The following CD164 variants were observed in gnomAD, a reference collection of about 807,000 sequenced individuals.
CD164 encodes the protein sialomucin core protein 24.
In CD164, 11 loss-of-function variants were observed where a neutral mutation model predicts 24.6. The observed-to-expected ratio is 0.45, with a 90% CI of 0.28 to 0.74. The LOEUF is 0.74. Ranked by LOEUF, CD164 falls within the 30% of genes least tolerant of loss-of-function variation. The probability of loss-of-function intolerance (pLI) is 0.13; values close to 1 mark genes in which losing one functional copy is unlikely to be tolerated. For missense variants in CD164, 295 were observed against 243.7 expected (o/e 1.21, Z -1.40); for synonymous variants, 126 against 100.3 (o/e 1.26, Z -1.53).
At chr6:109,381,682 T>C (rs1208015553) in intron 1 of CD164, 2 of 674,160 alleles carry the variant, frequency 3.0e-6, no homozygotes, top group Non-Finnish European at 5.4e-6. Context: ...CTTCTCAGAC[T>C]CAAGTCTGAG....
Position 109,377,870 on chromosome 6 carries a change from A to G in CD164, c.331+30T>C. 5 of 1,564,438 alleles carry G rather than the reference A, an allele frequency of 3.2e-6. No homozygotes were observed. In the South Asian group the frequency reaches 3.3e-5, roughly 10 times the overall value. ...TGATCTTCCTCACCTCTCTGCGGTC[A>G]GCTTCCAAGCAGCCAATATGAATAC... On this transcript the variant is annotated intron_variant, in intron 3 of 5. Transcript: ENST00000310786.
chr6:109,376,685 T>C (rs1434135670), intron 3 of CD164, among the ~76,000 whole-genome samples: 2 of 152,238 alleles, frequency 1.3e-5, no homozygotes, highest in African/African-American at 4.8e-5. Context: ...TGGTACATCA[T>C]CAAATATGCA....
chr6:109,372,537 A>T (rs1771138759), intron 4 of CD164: 2 of 152,092 alleles, frequency 1.3e-5, no homozygotes, highest in African/African-American at 4.8e-5. Context: ...TTTCCCTCTT[A>T]CTTCAAGCAT....
chr6:109,378,155 AC>A (rs1056751209), intron 2 of CD164, among the ~76,000 whole-genome samples, 184 bp from the exon 3 acceptor site: 18 of 152,150 alleles, frequency 1.2e-4, no homozygotes, highest in African/African-American at 4.1e-4. Context: ...TCCTTTTCCC[AC>A]TGACTTAGAG....
chr6:109,380,821 T>C (rs1456965123), intron 1 of CD164, among the ~76,000 whole-genome samples: 1 of 152,230 alleles, frequency 6.6e-6, no homozygotes, highest in Non-Finnish European at 1.5e-5. Flanking sequence ...ACTACAATTC[T>C]GAAAGGAAAC....
chr6:109,371,993 T>A (rs1771101323), intron 4 of CD164: 1 of 152,186 alleles, frequency 6.6e-6, no homozygotes. Context: ...AAAAAAGGGT[T>A]TGAAGGCTAA....
Position 109,368,939 on chromosome 6 carries a change from C to T in CD164, c.506G>A (p.Gly169Glu). 1 of 1,613,870 alleles carries T rather than the reference C, an allele frequency of 6.2e-7. No individual in the cohort carries two copies. The highest frequency in any genetic ancestry group is 8.5e-7 in the Non-Finnish European group (1 of 1,179,888). Residue 169 changes from glycine (G) to glutamate (E), a missense_variant, in exon 6 of 6, where the codon GGA (glycine) becomes GAA (glutamate). Transcript: ENST00000310786. ...CTGCACACCCAAGACCAGGACAATTCCTCCAATGAAACTGGCTGCATCAAA... is the reference window on the plus strand; with the variant it reads ...CTGCACACCCAAGACCAGGACAATTTCTCCAATGAAACTGGCTGCATCAAA... ...STFDAASFIG[G>E]IVLVLGVQAV...
Position 109,381,769 on chromosome 6 carries a change from G to A in CD164, c.175+435C>T, listed in dbSNP as rs1203103542. 12 of 574,386 alleles carry A rather than the reference G, an allele frequency of 2.1e-5. No individual in the cohort carries two copies. In the Admixed American group the frequency reaches 2.2e-4, roughly 11 times the overall value. The allele number at this position is 574,386 out of a possible 1,614,324, so 35.6% of individuals were successfully genotyped here. ...AAGGCTACCTCCGGAGAGAGGCGCC[G>A]GGAGGGTGAACAACCAGTGGCAGGG... On this transcript the variant is annotated intron_variant, in intron 1 of 5. Coordinates refer to ENST00000310786, the MANE Select transcript of CD164 (RefSeq NM_006016.6).
Position 109,369,084 on chromosome 6 carries a change from C to A in CD164, c.428-67G>T, listed in dbSNP as rs1372016049. 3.0e-6 allele frequency: 4 copies of A among 1,351,994 alleles called. No homozygotes were observed. The East Asian group carries it at 9.5e-5, about 32-fold the overall frequency. The allele number at this position is 1,351,994 out of a possible 1,614,324, so 83.7% of individuals were successfully genotyped here. On this transcript the variant is annotated intron_variant, in intron 5 of 5. Transcript: ENST00000310786. ...GGTCCTCTATTGTAATTTAAAGATGCACCTGAGCCTCTATTTTGCCATGTG... is the reference window on the plus strand; with the variant it reads ...GGTCCTCTATTGTAATTTAAAGATGAACCTGAGCCTCTATTTTGCCATGTG...
intron 2 of CD164, 40 bp downstream of exon 2, chr6:109,379,539 T>C: frequency 7.4e-7 from 1 of 1,357,422 alleles, no homozygotes; most frequent in Non-Finnish European, 1.0e-6. Flanking sequence ...TATTTTAAAA[T>C]GCTATAACAA....
intron 1 of CD164, among the ~76,000 whole-genome samples, chr6:109,380,897 C>CG (rs1771698872): frequency 1.3e-5 from 2 of 152,248 alleles, no homozygotes; most frequent in Admixed American, 6.5e-5. Flanking sequence ...GTTAGAATTC[C>CG]CAGTATTATA....
rs764310816 is a variant in CD164 at position 109,382,275 on chromosome 6, G to T, written c.104C>A (p.Thr35Asn). The T allele has an allele frequency of 6.3e-7, 1 of 1,590,164 alleles. No homozygotes were observed. The highest frequency in any genetic ancestry group is 1.3e-5 in the African/African-American group (1 of 74,652). Residue 35 changes from threonine to asparagine, a missense_variant, in exon 1 of 6, where the codon ACT becomes AAT. By Grantham distance (65) the Thr-to-Asn change is moderately conservative (BLOSUM62 0). Transcript: ENST00000310786. ...KNTTQHPNVT[T>N]LAPISNVTSA... Reference sequence around the variant, plus strand: ...GGTTACGTTGGAGATGGGCGCTAAAGTCGTCACGTTCGGGTGCTGGGTCGT... The same window carrying T: ...GGTTACGTTGGAGATGGGCGCTAAATTCGTCACGTTCGGGTGCTGGGTCGT...
Position 109,368,530 on chromosome 6 carries a change from T to C in CD164, c.*321A>G. 7.4e-7 allele frequency: 1 copy of C among 1,347,780 alleles called. No individual in the cohort carries two copies. Among genetic ancestry groups the C allele is most frequent in the Non-Finnish European group, 9.5e-7 (1 of 1,055,696 alleles). 83.5% of individuals were successfully genotyped at this position (1,347,780 alleles called of 1,614,324 possible). On this transcript the variant is annotated 3_prime_UTR_variant, in exon 6 of 6. Coordinates refer to ENST00000310786, the MANE Select transcript of CD164 (RefSeq NM_006016.6). ...AACTGCCAAGAGCCATGATGTTGTCTGCACAAGACAACATTTTCCATCACT... is the reference window on the plus strand; with the variant it reads ...AACTGCCAAGAGCCATGATGTTGTCCGCACAAGACAACATTTTCCATCACT...
chr6:109,381,917 T>G, intron 1 of CD164: 1 of 427,194 alleles, frequency 2.3e-6, no homozygotes, highest in Non-Finnish European at 4.1e-6. Context: ...AGGCTAGGAA[T>G]TACGATGCAC....
intron 1 of CD164, 52 bp downstream of exon 1, chr6:109,382,152 T>A (rs570357235): frequency 1.4e-6 from 2 of 1,403,688 alleles, no homozygotes; most frequent in Admixed American, 5.1e-5. Context: ...GAGGAGGCAG[T>A]GCGGCTCGGC....
At position 109,382,444 on chromosome 6, in the gene CD164, C is replaced by A. The variant is rs1400159381; in HGVS notation, c.-66G>T. 4 of 1,368,898 alleles carry A rather than the reference C, an allele frequency of 2.9e-6. No homozygotes were observed. Among genetic ancestry groups the A allele is most frequent in the Middle Eastern group, 3.8e-4 (2 of 5,246 alleles). The allele number at this position is 1,368,898 out of a possible 1,614,324, so 84.8% of individuals were successfully genotyped here. Reference sequence around the variant, plus strand: ...GCAACGCTCAGTCAACCCCTCAATCCCCTGCGGCGCCGCCTCCGAGACTAC... The same window carrying A: ...GCAACGCTCAGTCAACCCCTCAATCACCTGCGGCGCCGCCTCCGAGACTAC... On this transcript the variant is annotated 5_prime_UTR_variant, in exon 1 of 6. Coordinates refer to ENST00000310786, the MANE Select transcript of CD164 (RefSeq NM_006016.6).
rs769645876 is a variant in CD164 at position 109,368,819 on chromosome 6, A to T, written c.*32T>A. 5 of 1,579,808 alleles carry T rather than the reference A, an allele frequency of 3.2e-6. No individual in the cohort carries two copies. Among genetic ancestry groups the T allele is most frequent in the Non-Finnish European group, 4.3e-6 (5 of 1,167,440 alleles). On this transcript the variant is annotated 3_prime_UTR_variant, in exon 6 of 6. Transcript: ENST00000310786. ...TGGCTTCAGTGAGTTACACAAATGA[A>T]TCACCAGTCCTTATTAATTCAATGG...
chr6:109,375,664 C>T (rs898843488), intron 4 of CD164, among the ~76,000 whole-genome samples: 2 of 145,578 alleles, frequency 1.4e-5, no homozygotes, highest in Admixed American at 6.9e-5. Flanking sequence ...GGTGCATGAA[C>T]GTTATCGTAC....
rs930829040 is a variant in CD164, at chr6:109,366,751, T to C, written c.*2100A>G. ...CTGGATTTTAAAAAAACCCAAAAAT[T>C]AATGGCTCAAGATACTACATTGCTA... On this transcript the variant is annotated 3_prime_UTR_variant, in exon 6 of 6. Transcript: ENST00000310786. 3 of 152,540 alleles carry C rather than the reference T, an allele frequency of 2.0e-5. No individual in the cohort carries two copies. Among genetic ancestry groups the C allele is most frequent in the African/African-American group, 7.2e-5 (3 of 41,426 alleles). The allele number at this position is 152,540 out of a possible 1,614,324, so 9.4% of individuals were successfully genotyped here. A position where few individuals can be genotyped will look rare whatever the true frequency, so the allele number is the denominator to read the frequency against.
Sources: allele counts gnomAD v4.1 joint callset (sites outside exome capture counted in the v4.1 genomes callset), GRCh38; gene constraint gnomAD v4.1.1; transcripts MANE v1.5; gene names NCBI Gene and HGNC (gene_info 2026-07-23, HGNC 2026-07-21).